Variants in FSTL5 observed in about 807,000 individuals in gnomAD.
FSTL5 encodes the protein follistatin-related protein 5.
A neutral mutation model predicts 89.1 loss-of-function variants in FSTL5; 62 were observed. The observed-to-expected ratio is 0.70, with a 90% CI of 0.57 to 0.86. The LOEUF is 0.86. Ranked by LOEUF, FSTL5 falls within the 40% of genes least tolerant of loss-of-function variation. The probability of loss-of-function intolerance (pLI) is 0.00; values close to 1 mark genes in which losing one functional copy is unlikely to be tolerated. For missense variants in FSTL5, 1,057 were observed against 1,001.6 expected, an observed-to-expected ratio of 1.06 and a Z score of -0.75; for synonymous variants, 383 against 346.2, an observed-to-expected ratio of 1.11 and a Z score of -1.18.
intron 3 of FSTL5, among the ~76,000 whole-genome samples, chr4:161,963,038 C>T (rs1375338556): frequency 2.6e-5 from 4 of 151,848 alleles, no homozygotes; most frequent in African/African-American, 9.7e-5. Context: ...TTGTTTAGCT[C>T]AAACTTACAA....
chr4:162,066,625 T>C (rs1208123682), intron 2 of FSTL5, among the ~76,000 whole-genome samples: 2 of 121,692 alleles, frequency 1.6e-5, no homozygotes, highest in African/African-American at 6.2e-5. Flanking sequence ...GATATTTCCC[T>C]TCCTGTGTCC....
intron 2 of FSTL5, among the ~76,000 whole-genome samples, chr4:162,092,181 A>G (rs1486699452): frequency 6.6e-6 from 1 of 152,076 alleles, no homozygotes; most frequent in African/African-American, 2.4e-5. Context: ...CCAGTTTTAG[A>G]ACTGCTTATA....
chr4:161,477,569 T>C (rs1387005163), intron 13 of FSTL5, among the ~76,000 whole-genome samples: 1 of 151,554 alleles, frequency 6.6e-6, no homozygotes, highest in South Asian at 2.1e-4. Context: ...AATTTTTCAT[T>C]TATATTTTCC....
Position 161,656,313 on chromosome 4 carries a change from T to A in FSTL5, c.894+15A>T, listed in dbSNP as rs1250144011. Reference sequence around the variant, plus strand: ...AAATATATATATTATAAAGCAACTATATTTATGTACTCACATTGATGTCTT... The same window carrying A: ...AAATATATATATTATAAAGCAACTAAATTTATGTACTCACATTGATGTCTT... On this transcript the variant is annotated intron_variant, in intron 7 of 15. Transcript: ENST00000306100. 1 of 1,389,898 alleles carries A rather than the reference T, an allele frequency of 7.2e-7. No individual in the cohort carries two copies. The highest frequency in any genetic ancestry group is 1.5e-5 in the African/African-American group (1 of 68,490). 86.1% of individuals were successfully genotyped at this position (1,389,898 alleles called of 1,614,324 possible).
chr4:162,158,924 TACTAGTACCAACTC>T (rs1267562747), intron 1 of FSTL5, among the ~76,000 whole-genome samples: 2 of 152,122 alleles, frequency 1.3e-5, no homozygotes, highest in African/African-American at 4.8e-5. Context: ...CAAATGTCTT[TACTAGTACCAACTC>T]ACTGCTTCTT....
chr4:161,493,447 CTTTTA>C (rs1482268353), intron 12 of FSTL5, among the ~76,000 whole-genome samples: 3 of 151,484 alleles, frequency 2.0e-5, no homozygotes, highest in Non-Finnish European at 4.4e-5. Context: ...ATAATAAAAT[CTTTTA>C]TTTTATTTTA....
intron 6 of FSTL5, among the ~76,000 whole-genome samples, chr4:161,722,880 G>A (rs1579048239): frequency 1.3e-5 from 2 of 152,244 alleles, no homozygotes; most frequent in East Asian, 1.9e-4. Context: ...TCTGGGCCTT[G>A]AATAACTATT....
chr4:161,701,237 A>T (rs986019916), intron 6 of FSTL5, among the ~76,000 whole-genome samples: 9 of 152,180 alleles, frequency 5.9e-5, no homozygotes, highest in African/African-American at 2.2e-4. Flanking sequence ...GCATAATTTG[A>T]TGCGTTTTGA....
At chr4:161,876,359 G>A (rs1423819400) in intron 4 of FSTL5, among the ~76,000 whole-genome samples, 2 of 152,042 alleles carry the variant, frequency 1.3e-5, no homozygotes, top group African/African-American at 4.8e-5. Flanking sequence ...TATCAATGAG[G>A]AAACATTAAG....
chr4:161,939,056 A>C (rs1313722683), intron 3 of FSTL5, among the ~76,000 whole-genome samples: 1 of 151,986 alleles, frequency 6.6e-6, no homozygotes, highest in Non-Finnish European at 1.5e-5. Flanking sequence ...CATTGGGTAT[A>C]GTATATCACT....
At chr4:161,490,938 A>C (rs78953917) in intron 12 of FSTL5, among the ~76,000 whole-genome samples, 1 of 152,054 alleles carries the variant, frequency 6.6e-6, no homozygotes, top group Admixed American at 6.6e-5. Context: ...TTTTTAAAAA[A>C]ATCTTTTTAA....
Position 161,764,782 on chromosome 4 carries a change from AT to A in FSTL5, c.607-5252del, listed in dbSNP as rs530886742. On this transcript the variant is annotated intron_variant, in intron 5 of 15. Coordinates refer to ENST00000306100, the MANE Select transcript of FSTL5 (RefSeq NM_020116.5). Reference sequence around the variant, plus strand: ...GCTCACAAGGATTTTCTGAACATGAATACTAAGTTTTTAAATGCATCTTGAC... The same window carrying A: ...GCTCACAAGGATTTTCTGAACATGAAACTAAGTTTTTAAATGCATCTTGAC... Among the ~76,000 whole-genome samples, 716 of 152,258 alleles carry A rather than the reference AT, an allele frequency of 4.7e-3. 2 individuals carry two copies. Among genetic ancestry groups the A allele is most frequent in the South Asian group, 0.027 (131 of 4,828 alleles).
chr4:161,959,634 T>C (rs1735116509), intron 3 of FSTL5, among the ~76,000 whole-genome samples: 1 of 152,136 alleles, frequency 6.6e-6, no homozygotes, highest in Non-Finnish European at 1.5e-5. Context: ...GAATGAAAAG[T>C]AACGTATGTG....
At chr4:162,149,990 A>T (rs773224028) in intron 1 of FSTL5, among the ~76,000 whole-genome samples, 25 of 152,156 alleles carry the variant, frequency 1.6e-4, no homozygotes, top group Admixed American at 5.9e-4. Flanking sequence ...CCTCTAAATT[A>T]AGGAAATTTT....
chr4:161,729,474 C>T (rs1739533770), intron 6 of FSTL5, among the ~76,000 whole-genome samples: 1 of 152,012 alleles, frequency 6.6e-6, no homozygotes, highest in South Asian at 2.1e-4. Flanking sequence ...ATGACTCTGC[C>T]CTCATACCTG....
intron 15 of FSTL5, among the ~76,000 whole-genome samples, chr4:161,450,208 C>T (rs1007500259): frequency 6.6e-6 from 1 of 152,148 alleles, no homozygotes. Flanking sequence ...TTCTCCTTAC[C>T]TTTCTAGAAT....
chr4:161,830,952 C>A (rs1017500038), intron 4 of FSTL5, among the ~76,000 whole-genome samples: 1 of 151,676 alleles, frequency 6.6e-6, no homozygotes, highest in Admixed American at 6.6e-5. Flanking sequence ...TGTGTGGGTC[C>A]CTATTAGTGA....
At chr4:161,945,937 C>T (rs1322915499) in intron 3 of FSTL5, among the ~76,000 whole-genome samples, 1 of 152,042 alleles carries the variant, frequency 6.6e-6, no homozygotes, top group Non-Finnish European at 1.5e-5. Context: ...GAAGTCTTTA[C>T]AAAACTTTCT....
intron 6 of FSTL5, among the ~76,000 whole-genome samples, chr4:161,726,665 C>T (rs1228684362): frequency 2.0e-5 from 3 of 151,964 alleles, no homozygotes; most frequent in Admixed American, 6.6e-5. Context: ...ACGTAAAACA[C>T]CATTTTGTTA....
Sources: allele counts gnomAD v4.1 joint callset (sites outside exome capture counted in the v4.1 genomes callset), GRCh38; gene constraint gnomAD v4.1.1; transcripts MANE v1.5; gene names NCBI Gene and HGNC (gene_info 2026-07-23, HGNC 2026-07-21).